The following PCDHA3 variants were observed in gnomAD, a reference collection of about 807,000 sequenced individuals.
PCDHA3 encodes protocadherin alpha-3.
A neutral mutation model predicts 62.2 loss-of-function variants in PCDHA3; 41 were observed. The observed-to-expected ratio is 0.66, with a 90% CI of 0.51 to 0.86. The LOEUF (loss-of-function observed/expected upper bound fraction) is 0.86. Among genes scored for constraint, PCDHA3 ranks in the 40% least tolerant of loss-of-function variants. The probability of loss-of-function intolerance (pLI) is 0.00; values close to 1 mark genes in which losing one functional copy is unlikely to be tolerated. For missense variants in PCDHA3, 1,304 were observed against 1,241.2 expected (o/e 1.05, Z -0.76); for synonymous variants, 640 against 555.4 (o/e 1.15, Z -2.14).
intron 1 of PCDHA3, chr5:140,876,180 T>G (rs782772220): frequency 1.2e-6 from 2 of 1,613,982 alleles, no homozygotes; most frequent in East Asian, 4.5e-5. Flanking sequence ...TGGATGTGAA[T>G]GACAATGGTC....
intron 1 of PCDHA3, among the ~76,000 whole-genome samples, chr5:140,901,445 C>T (rs1207516323): frequency 6.6e-6 from 1 of 152,074 alleles, no homozygotes; most frequent in Admixed American, 6.6e-5. Context: ...ATCTAGTTTC[C>T]CAGCACAGAC....
At chr5:140,993,996 G>C (rs1163632974) in intron 3 of PCDHA3, among the ~76,000 whole-genome samples, 1 of 152,148 alleles carries the variant, frequency 6.6e-6, no homozygotes, top group Non-Finnish European at 1.5e-5. Flanking sequence ...CTTAGGTCAG[G>C]CCAGGCTCTG....
chr5:140,869,432 T>C (rs1562628312), intron 1 of PCDHA3: 3 of 1,614,192 alleles, frequency 1.9e-6, no homozygotes, highest in Non-Finnish European at 2.5e-6. Context: ...GAGGTGATCG[T>C]GGACAGGCCG....
intron 1 of PCDHA3, chr5:140,808,558 G>A: frequency 6.2e-7 from 1 of 1,614,114 alleles, no homozygotes; most frequent in Non-Finnish European, 8.5e-7. Context: ...CGTTCGCGCA[G>A]CCCGAGTACA....
At chr5:140,966,732 G>A in intron 1 of PCDHA3, 1 of 1,415,600 alleles carries the variant, frequency 7.1e-7, no homozygotes, top group South Asian at 1.6e-5. Flanking sequence ...GCCGCCTCCG[G>A]CCCTGCCCGG....
chr5:140,868,265 T>G (rs182913735), intron 1 of PCDHA3: 1 of 152,250 alleles, frequency 6.6e-6, no homozygotes, highest in African/African-American at 2.4e-5. Flanking sequence ...GTGGATTCTT[T>G]TTTAAAACTA....
At chr5:140,977,784 A>G (rs1284023783) in intron 1 of PCDHA3, among the ~76,000 whole-genome samples, 1 of 152,366 alleles carries the variant, frequency 6.6e-6, no homozygotes, top group East Asian at 1.9e-4. Context: ...TAAAGGAACT[A>G]TATGAATGAT....
chr5:140,803,627 T>C (rs782685933), intron 1 of PCDHA3, 36 bp downstream of exon 1: 7 of 1,613,964 alleles, frequency 4.3e-6, no homozygotes, highest in Admixed American at 3.3e-5. Context: ...CAAAATGTCT[T>C]TGTTTTTCAT....
At chr5:140,854,998 A>G (rs2043301191) in intron 1 of PCDHA3, among the ~76,000 whole-genome samples, 1 of 149,868 alleles carries the variant, frequency 6.7e-6, no homozygotes, top group East Asian at 1.9e-4. Flanking sequence ...TTGCCCGTGT[A>G]AGATATTATA....
intron 1 of PCDHA3, chr5:140,804,998 A>G: frequency 6.5e-7 from 1 of 1,532,070 alleles, no homozygotes; most frequent in South Asian, 1.2e-5. Flanking sequence ...TATTTTAAAA[A>G]TTTAGTTCTG....
At position 140,817,863 on chromosome 5, in the gene PCDHA3, G is replaced by A. The variant is rs934144894; in HGVS notation, c.2394+14272G>A. 3.9e-5 allele frequency among the ~76,000 whole-genome samples: 6 copies of A among 152,130 alleles called. No individual in the cohort carries two copies. In the South Asian group the frequency reaches 6.2e-4, roughly 16 times the overall value. On this transcript the variant is annotated intron_variant, in intron 1 of 3. Transcript: ENST00000522353. ...TATCACTTTTGAGAAACAGTTTTGG[G>A]TATTGAATGAAAGTTATTTTTGCCA...
At chr5:140,949,117 T>C (rs1295254726) in intron 1 of PCDHA3, among the ~76,000 whole-genome samples, 2 of 151,762 alleles carry the variant, frequency 1.3e-5, no homozygotes, top group Admixed American at 6.6e-5. Context: ...CAAATATTTT[T>C]GGTTTTCCTA....
At chr5:140,883,367 G>A (rs782044159) in intron 1 of PCDHA3, 2 of 1,614,124 alleles carry the variant, frequency 1.2e-6, no homozygotes, top group East Asian at 2.2e-5. Context: ...TCAGCCTAGC[G>A]CCATTATTGC....
At chr5:140,852,353 C>A (rs1349870360) in intron 1 of PCDHA3, 2 of 209,384 alleles carry the variant, frequency 9.6e-6, no homozygotes, top group African/African-American at 4.8e-5. Flanking sequence ...TCTTGGCTCA[C>A]TGCAACGTCT....
chr5:140,834,418 G>A (rs1248577104), intron 1 of PCDHA3: 19 of 1,611,550 alleles, frequency 1.2e-5, no homozygotes, highest in Non-Finnish European at 1.6e-5. Context: ...CCAGGGGGCC[G>A]ACATCTACTG....
chr5:140,991,066 C>T (rs2097429810), intron 3 of PCDHA3, among the ~76,000 whole-genome samples: 2 of 152,122 alleles, frequency 1.3e-5, no homozygotes, highest in Non-Finnish European at 2.9e-5. Context: ...TTATTATTCC[C>T]ATGTTTCAGA....
intron 1 of PCDHA3, chr5:140,969,253 C>G (rs200334724): frequency 7.4e-6 from 12 of 1,614,084 alleles, no homozygotes; most frequent in Non-Finnish European, 8.5e-7. Context: ...TGACTGACAG[C>G]AGGAATCTCA....
At chr5:140,913,122 C>A (rs2076217505) in intron 1 of PCDHA3, among the ~76,000 whole-genome samples, 1 of 152,158 alleles carries the variant, frequency 6.6e-6, no homozygotes, top group African/African-American at 2.4e-5. Context: ...TGGAAGTTAA[C>A]CCCTCCTCTA....
intron 1 of PCDHA3, chr5:140,808,009 TG>T: frequency 1.2e-6 from 2 of 1,613,914 alleles, no homozygotes; most frequent in Non-Finnish European, 1.7e-6. Flanking sequence ...AAGGATTGAA[TG>T]GGGACATTGT....
Sources: allele counts gnomAD v4.1 joint callset (sites outside exome capture counted in the v4.1 genomes callset), GRCh38; gene constraint gnomAD v4.1.1; transcripts MANE v1.5; gene names NCBI Gene and HGNC (gene_info 2026-07-23, HGNC 2026-07-21).